PAK5: variants seen among roughly 807,000 people sequenced by gnomAD.
PAK5 encodes p21 (RAC1) activated kinase 5.
PAK5 carries 16 observed loss-of-function variants against 65.9 expected under a neutral mutation model. That is an observed-to-expected ratio of 0.24 (90% CI 0.16 to 0.37). The LOEUF (loss-of-function observed/expected upper bound fraction) is 0.37. Ranked by LOEUF, PAK5 falls within the 10% of genes least tolerant of loss-of-function variation. PAK5 has a pLI of 1.00. For missense variants in PAK5, 785 were observed against 903.9 expected (o/e 0.87, Z 1.69); for synonymous variants, 371 against 354.9 (o/e 1.05, Z -0.51).
chr20:9,742,830 G>T (rs2048464617), intron 1 of PAK5, among the ~76,000 whole-genome samples: 1 of 152,184 alleles, frequency 6.6e-6, no homozygotes, highest in South Asian at 2.1e-4. Context: ...CAGTGGATCT[G>T]TCACTTGTTC....
intron 1 of PAK5, among the ~76,000 whole-genome samples, chr20:9,791,704 T>G (rs1172087188): frequency 2.0e-5 from 3 of 152,094 alleles, no homozygotes; most frequent in African/African-American, 7.2e-5. Context: ...TTACTTTGCA[T>G]AAATCTGCTT....
At chr20:9,654,140 A>T (rs1178251334) in intron 2 of PAK5, among the ~76,000 whole-genome samples, 1 of 151,514 alleles carries the variant, frequency 6.6e-6, no homozygotes, top group Non-Finnish European at 1.5e-5. Context: ...TGCCCAGCTA[A>T]TTTTTATATT....
intron 1 of PAK5, among the ~76,000 whole-genome samples, chr20:9,725,468 C>T (rs1425905591): frequency 1.3e-5 from 2 of 152,000 alleles, no homozygotes; most frequent in Non-Finnish European, 2.9e-5. Context: ...CATGAAAAAA[C>T]AATTAAATGA....
intron 4 of PAK5, among the ~76,000 whole-genome samples, chr20:9,573,665 A>G (rs1035062063): frequency 6.6e-6 from 1 of 152,154 alleles, no homozygotes; most frequent in Admixed American, 6.5e-5. Flanking sequence ...AAGAGAAGGA[A>G]AAAACAGTAC....
At chr20:9,606,336 C>T (rs1364110045) in intron 3 of PAK5, among the ~76,000 whole-genome samples, 2 of 152,136 alleles carry the variant, frequency 1.3e-5, no homozygotes, top group African/African-American at 4.8e-5. Context: ...CAAGTAGATG[C>T]CAGCATCATG....
intron 1 of PAK5, among the ~76,000 whole-genome samples, chr20:9,837,750 G>T (rs898106661): frequency 6.6e-6 from 1 of 152,164 alleles, no homozygotes; most frequent in African/African-American, 2.4e-5. Flanking sequence ...GTAGAACTCC[G>T]TAGAATGCCA....
intron 1 of PAK5, among the ~76,000 whole-genome samples, chr20:9,750,717 C>T (rs1442286954): frequency 6.6e-6 from 1 of 152,104 alleles, no homozygotes; most frequent in African/African-American, 2.4e-5. Flanking sequence ...GATTCTATGA[C>T]TAGAATTCCA....
At chr20:9,648,535 G>C (rs1260576794) in intron 2 of PAK5, among the ~76,000 whole-genome samples, 2 of 151,748 alleles carry the variant, frequency 1.3e-5, no homozygotes, top group Non-Finnish European at 2.9e-5. Context: ...GGAATGGTGA[G>C]GAACTTGCTA....
At chr20:9,544,565 T>C (rs1015283211) in intron 7 of PAK5, 71 bp from the exon 8 acceptor site, 3 of 1,419,122 alleles carry the variant, frequency 2.1e-6, no homozygotes, top group African/African-American at 2.8e-5. Context: ...AATACAAACA[T>C]ACAGAGTTTC....
At chr20:9,730,285 A>G (rs979951339) in intron 1 of PAK5, among the ~76,000 whole-genome samples, 3 of 152,134 alleles carry the variant, frequency 2.0e-5, no homozygotes, top group Non-Finnish European at 4.4e-5. Context: ...AAGTAGTACA[A>G]TTCAAATTGA....
At chr20:9,678,168 A>G (rs1013460574) in intron 2 of PAK5, among the ~76,000 whole-genome samples, 3 of 152,218 alleles carry the variant, frequency 2.0e-5, no homozygotes, top group Admixed American at 2.0e-4. Flanking sequence ...TTGATCTCAT[A>G]GCTCCTTGGG....
At chr20:9,622,281 C>G in intron 3 of PAK5, among the ~76,000 whole-genome samples, 1 of 152,072 alleles carries the variant, frequency 6.6e-6, no homozygotes, top group East Asian at 1.9e-4. Context: ...CAATATGGTA[C>G]CCACTAGACA....
chr20:9,595,889 TC>T (rs1392907934), intron 3 of PAK5, among the ~76,000 whole-genome samples: 1 of 151,168 alleles, frequency 6.6e-6, no homozygotes, highest in Admixed American at 6.6e-5. Flanking sequence ...TCAAATGGAC[TC>T]CCCAGAGGCT....
At chr20:9,562,708 C>T (rs1394392381) in intron 6 of PAK5, among the ~76,000 whole-genome samples, 183 bp downstream of exon 6, 1 of 152,064 alleles carries the variant, frequency 6.6e-6, no homozygotes, top group Non-Finnish European at 1.5e-5. Context: ...GAACATTCAC[C>T]AAATGAATGA....
intron 3 of PAK5, among the ~76,000 whole-genome samples, chr20:9,620,054 T>C (rs1351921247): frequency 6.6e-6 from 1 of 152,238 alleles, no homozygotes; most frequent in Admixed American, 6.5e-5. Flanking sequence ...ACACCTTTAG[T>C]GTACAGATAA....
At chr20:9,817,166 T>C (rs2049366784) in intron 1 of PAK5, among the ~76,000 whole-genome samples, 1 of 152,118 alleles carries the variant, frequency 6.6e-6, no homozygotes, top group South Asian at 2.1e-4. Context: ...AAGAATTATG[T>C]AAATAAGAAC....
At chr20:9,818,720 G>A (rs1465805706) in intron 1 of PAK5, 1 of 152,118 alleles carries the variant, frequency 6.6e-6, no homozygotes, top group Non-Finnish European at 1.5e-5. Context: ...CATGGTCTCA[G>A]AGGTCCAGAA....
At position 9,633,804 on chromosome 20, in the gene PAK5, T is replaced by C. The variant is rs79690195; in HGVS notation, c.204+10321A>G. On this transcript the variant is annotated intron_variant, in intron 3 of 9. Transcript: ENST00000353224. ...GGGAACACAGCCACTGCAGGAATGC[T>C]GGGAACAGCATTTTGAACCATGAGA... Among the ~76,000 whole-genome samples, 1,253 of 152,334 alleles carry C rather than the reference T, an allele frequency of 8.2e-3. 19 individuals are homozygous for C. Among genetic ancestry groups the C allele is most frequent in the African/African-American group, 0.026 (1,098 of 41,572 alleles).
intron 2 of PAK5, among the ~76,000 whole-genome samples, chr20:9,671,081 T>G (rs575677316): frequency 6.8e-4 from 103 of 152,332 alleles, no homozygotes; most frequent in Middle Eastern, 3.4e-3. Flanking sequence ...ATCAGATAGT[T>G]GTAGATATGC....
Sources: gnomAD v4.1 joint callset for allele counts (sites outside exome capture counted in the v4.1 genomes callset) on GRCh38, gnomAD v4.1.1 for gene constraint, MANE v1.5 for transcripts, NCBI Gene and HGNC (gene_info 2026-07-23, HGNC 2026-07-21) for gene names.